Variants in TOB2 observed in about 807,000 individuals in gnomAD.
The protein encoded by TOB2 is transducer of ERBB2, 2, also known as protein Tob2.
Under a neutral mutation model 17.3 loss-of-function variants are expected in TOB2, and 3 were observed. That is an observed-to-expected ratio of 0.17 (90% CI 0.08 to 0.45). TOB2 has a LOEUF of 0.45. Ranked by LOEUF, TOB2 falls within the 20% of genes least tolerant of loss-of-function variation. The probability of loss-of-function intolerance (pLI) is 0.99; values close to 1 mark genes in which losing one functional copy is unlikely to be tolerated. For missense variants in TOB2, 407 were observed against 445.7 expected (o/e 0.91, Z 0.78); for synonymous variants, 163 against 185.6 (o/e 0.88, Z 0.99).
Position 41,436,783 on chromosome 22 carries a change from G to A in TOB2, c.563C>T (p.Ser188Phe). 6.2e-7 allele frequency: 1 copy of A among 1,614,012 alleles called. No homozygotes were observed. ...CCCGCCCCCCTTCTTCATCTTAGTG[G>A]AGCCAAATTTGGTGGCAGCGAAGGA... ...TASFAATKFG[S>F]TKMKKGGGAA... Residue 188 changes from serine to phenylalanine, a missense_variant, in exon 2 of 2, where the codon TCC becomes TTC. By Grantham distance (155) the Ser-to-Phe change is radical. Transcript: ENST00000327492. This position sits in a 1 kb window ranked among gnomAD's most constrained non-coding sequence, Gnocchi z 4.8.
At position 41,435,141 on chromosome 22, in the gene TOB2, G is replaced by C. The variant is rs930092774; in HGVS notation, c.*1170C>G. 1 of 152,462 alleles carries C rather than the reference G, an allele frequency of 6.6e-6. No individual in the cohort carries two copies. The highest frequency in any genetic ancestry group is 1.5e-5 in the Non-Finnish European group (1 of 68,062). 9.4% of individuals were successfully genotyped at this position (152,462 alleles called of 1,614,324 possible). ...CTGGGCTAAGGCCAAACAACAGGAG[G>C]GTTGAAGTCCAGGGACTTCTCATAG... On this transcript the variant is annotated 3_prime_UTR_variant, in exon 2 of 2. Coordinates refer to ENST00000327492, the MANE Select transcript of TOB2 (RefSeq NM_016272.4).
chr22:41,441,039 C>G (rs531329536), intron 1 of TOB2, among the ~76,000 whole-genome samples: 1 of 152,092 alleles, frequency 6.6e-6, no homozygotes, highest in East Asian at 1.9e-4. Flanking sequence ...TAGTAGAGGC[C>G]GGGCACGGTG....
chr22:41,444,153 G>A (rs2037653698), intron 1 of TOB2, among the ~76,000 whole-genome samples: 1 of 152,200 alleles, frequency 6.6e-6, no homozygotes, highest in East Asian at 1.9e-4. Context: ...GGGAGTGAGA[G>A]CCAAACGCAG....
intron 1 of TOB2, among the ~76,000 whole-genome samples, chr22:41,443,838 G>A (rs2037648894): frequency 6.6e-6 from 1 of 151,820 alleles, no homozygotes; most frequent in Non-Finnish European, 1.5e-5. Flanking sequence ...GGTCAGGCTA[G>A]TCTCGAACTC....
intron 1 of TOB2, among the ~76,000 whole-genome samples, chr22:41,445,511 A>C (rs2037674079): frequency 6.6e-6 from 1 of 152,168 alleles, no homozygotes; most frequent in Admixed American, 6.5e-5. Flanking sequence ...GTAGCACCAG[A>C]GACTGGCCTC....
chr22:41,438,754 G>C (rs1177212657), intron 1 of TOB2, among the ~76,000 whole-genome samples: 3 of 151,282 alleles, frequency 2.0e-5, no homozygotes, highest in Non-Finnish European at 2.9e-5. Context: ...CTGCTGACTC[G>C]GGGCTGCCAC....
Position 41,437,052 on chromosome 22 carries a change from C to T in TOB2, c.294G>A (p.Glu98=). ...CCTTCTCACCAATCTGGTAGGACAC[C>T]TCAAAGGGATCAATCCAGACACTCA... ...EELSVWIDPF[E]VSYQIGEKGA... The change falls in exon 2 of 2, where the codon GAG becomes GAA. Residue 98 remains glutamate (E), a synonymous_variant. Transcript: ENST00000327492. 1 of 1,614,128 alleles carries T rather than the reference C, an allele frequency of 6.2e-7. No individual in the cohort carries two copies. The highest frequency in any genetic ancestry group is 8.5e-7 in the Non-Finnish European group (1 of 1,180,046).
rs1899418291 is a variant in TOB2 at position 41,436,300 on chromosome 22, C to T, written c.*11G>A. 1.3e-6 allele frequency: 2 copies of T among 1,541,966 alleles called. No individual in the cohort carries two copies. The highest frequency in any genetic ancestry group is 2.5e-5 in the South Asian group (2 of 80,942). On this transcript the variant is annotated 3_prime_UTR_variant, in exon 2 of 2. Coordinates refer to ENST00000327492, the MANE Select transcript of TOB2 (RefSeq NM_016272.4). This position sits in a 1 kb window ranked among gnomAD's most constrained non-coding sequence, Gnocchi z 4.8. ...TCTTGGGTGCTCCTGGCCCCACGGG[C>T]AGGTAGATGGTCAGTTGGCCAGCAC...
intron 1 of TOB2, among the ~76,000 whole-genome samples, chr22:41,443,813 G>C (rs2037648546): frequency 6.6e-6 from 1 of 151,436 alleles, no homozygotes; most frequent in South Asian, 2.1e-4. Flanking sequence ...AGCAGAGACG[G>C]GGTTTCTCCA....
In TOB2 at chr22:41,433,709, C is replaced by G. The variant is rs1401278555; in HGVS notation, c.*2602G>C. ...GTTCATGACCCTGCTCCCCGGGCTC[C>G]TCTCCAGGCTTGCCTCAATGCCCCC... On this transcript the variant is annotated 3_prime_UTR_variant, in exon 2 of 2. Transcript: ENST00000327492. 11 of 463,012 alleles carry G rather than the reference C, an allele frequency of 2.4e-5. No individual in the cohort carries two copies. The East Asian group carries it at 5.8e-4, about 24-fold the overall frequency. The allele number at this position is 463,012 out of a possible 1,614,324, so 28.7% of individuals were successfully genotyped here. A position where few individuals can be genotyped will look rare whatever the true frequency, so the allele number is the denominator to read the frequency against.
At position 41,436,925 on chromosome 22, in the gene TOB2, C is replaced by T. The variant is rs772304243; in HGVS notation, c.421G>A (p.Val141Met). ...SSFNPDAQVF[V>M]PIGSQDSSLS... ...GAGCTGTCCTGGCTGCCAATGGGCACGAACACCTGGGCGTCAGGGTTGAAG... is the reference window on the plus strand; with the variant it reads ...GAGCTGTCCTGGCTGCCAATGGGCATGAACACCTGGGCGTCAGGGTTGAAG... The change falls in exon 2 of 2, where the codon GTG becomes ATG. Residue 141 changes from valine to methionine, a missense_variant. By Grantham distance (21) the Val-to-Met change is conservative. Transcript: ENST00000327492. The surrounding 1 kb of genome is among the most constrained non-coding windows in gnomAD (Gnocchi z 4.8). The T allele has an allele frequency of 5.0e-6, 8 of 1,614,160 alleles. No homozygotes were observed. The Admixed American group carries it at 5.0e-5, about 10-fold the overall frequency.
intron 1 of TOB2, among the ~76,000 whole-genome samples, chr22:41,440,500 C>G (rs1355409598): frequency 6.6e-6 from 1 of 151,782 alleles, no homozygotes; most frequent in Non-Finnish European, 1.5e-5. Flanking sequence ...CTCCACCTCC[C>G]TGGGCTCAGG....
chr22:41,441,997 A>G (rs1362417617), intron 1 of TOB2, among the ~76,000 whole-genome samples: 6 of 151,816 alleles, frequency 4.0e-5, no homozygotes, highest in African/African-American at 1.5e-4. Flanking sequence ...AGGCTGAGGC[A>G]AGAGAATCGC....
At chr22:41,441,976 C>T (rs1299245049) in intron 1 of TOB2, among the ~76,000 whole-genome samples, 1 of 150,748 alleles carries the variant, frequency 6.6e-6, no homozygotes, top group African/African-American at 2.4e-5. Flanking sequence ...CCTATAATCC[C>T]ACTACTCCGT....
chr22:41,436,847 T>G lies in TOB2; in HGVS notation c.499A>C (p.Ile167Leu). 1 of 1,613,970 alleles carries G rather than the reference T, an allele frequency of 6.2e-7. No homozygotes were observed. The highest frequency in any genetic ancestry group is 8.5e-7 in the Non-Finnish European group (1 of 1,179,964). Residue 167 changes from isoleucine to leucine, a missense_variant, in exon 2 of 2, where the codon ATT (isoleucine) becomes CTT (leucine). Ile to Leu is a conservative substitution (Grantham distance 5, BLOSUM62 2). Coordinates refer to ENST00000327492, the MANE Select transcript of TOB2 (RefSeq NM_016272.4). This position sits in a 1 kb window ranked among gnomAD's most constrained non-coding sequence, Gnocchi z 4.8. ...SFGQSPSPTF[I>L]PRSAQPITFT... ...GTGATGGGCTGAGCGGAGCGGGGAA[T>G]GAAGGTAGGGCTGGGTGACTGGCCA...
chr22:41,439,881 C>T (rs942639977), intron 1 of TOB2, among the ~76,000 whole-genome samples: 8 of 152,114 alleles, frequency 5.3e-5, no homozygotes, highest in African/African-American at 1.9e-4. Flanking sequence ...TCAGAGAAGA[C>T]TCACTGGGTC....
intron 1 of TOB2, among the ~76,000 whole-genome samples, chr22:41,445,092 G>A (rs1390825133): frequency 6.6e-6 from 1 of 152,248 alleles, no homozygotes; most frequent in Non-Finnish European, 1.5e-5. Flanking sequence ...CTGTGGGGAG[G>A]CGCCAGGCCA....
rs374752853 is a variant in TOB2, at chr22:41,436,537, A to G, written c.809T>C (p.Leu270Pro). Reference sequence around the variant, plus strand: ...CTGGCCATCGGCCGCATCAAAGAAGAGGCTGGGTGAGCCACCACCGTTGTA... The same window carrying G: ...CTGGCCATCGGCCGCATCAAAGAAGGGGCTGGGTGAGCCACCACCGTTGTA... ...FVYNGGGSPS[L>P]FFDAADGQGS... The change falls in exon 2 of 2, where the codon CTC becomes CCC. Residue 270 changes from leucine to proline, a missense_variant. Leu to Pro is a moderately conservative substitution (Grantham distance 98). Transcript: ENST00000327492. This position sits in a 1 kb window ranked among gnomAD's most constrained non-coding sequence, Gnocchi z 4.8. 9 of 1,610,644 alleles carry G rather than the reference A, an allele frequency of 5.6e-6. No individual in the cohort carries two copies. Among genetic ancestry groups the G allele is most frequent in the Non-Finnish European group, 7.6e-6 (9 of 1,178,394 alleles).
At position 41,436,505 on chromosome 22, in the gene TOB2, C is replaced by T. The variant is rs567607158; in HGVS notation, c.841G>A (p.Gly281Ser). The T allele has an allele frequency of 4.3e-5, 70 of 1,613,402 alleles. 1 individual carries two copies. Among genetic ancestry groups the T allele is most frequent in the South Asian group, 3.8e-4 (35 of 91,024 alleles). Reference sequence around the variant, plus strand: ...CTGCCTCCAAACGGGCCTGGGGTGCCGCTGCCCTGGCCATCGGCCGCATCA... The same window carrying T: ...CTGCCTCCAAACGGGCCTGGGGTGCTGCTGCCCTGGCCATCGGCCGCATCA... ...FFDAADGQGS[G>S]TPGPFGGSGA... The change falls in exon 2 of 2, where the codon GGC becomes AGC. Residue 281 changes from glycine to serine, a missense_variant. Physicochemically the swap from Gly to Ser is moderately conservative, Grantham distance 56 (BLOSUM62 0). Coordinates refer to ENST00000327492, the MANE Select transcript of TOB2 (RefSeq NM_016272.4). The surrounding 1 kb of genome is among the most constrained non-coding windows in gnomAD (Gnocchi z 4.8).
Sources: gnomAD v4.1 joint callset for allele counts (sites outside exome capture counted in the v4.1 genomes callset) on GRCh38, gnomAD v4.1.1 for gene constraint, Gnocchi (gnomAD v3.1) non-coding constraint, MANE v1.5 for transcripts, NCBI Gene and HGNC (gene_info 2026-07-23, HGNC 2026-07-21) for gene names.